The following ARHGAP35 variants were observed in gnomAD, a reference collection of about 807,000 sequenced individuals.
ARHGAP35 encodes the protein rho GTPase-activating protein 35.
ARHGAP35 carries 15 observed loss-of-function variants against 111.1 expected under a neutral mutation model. That is an observed-to-expected ratio of 0.13 (90% confidence interval 0.09 to 0.21). ARHGAP35 has a LOEUF of 0.21. Ranked by LOEUF, ARHGAP35 falls within the 10% of genes least tolerant of loss-of-function variation. The probability of loss-of-function intolerance (pLI) is 1.00; values close to 1 mark genes in which losing one functional copy is unlikely to be tolerated. For missense variants in ARHGAP35, 1,262 were observed against 1,873.0 expected, an observed-to-expected ratio of 0.67 and a Z score of 6.02; for synonymous variants, 643 against 710.3, an observed-to-expected ratio of 0.91 and a Z score of 1.51.
At chr19:46,876,565 G>T (rs1280257007) in intron 1 of ARHGAP35, among the ~76,000 whole-genome samples, 1 of 151,952 alleles carries the variant, frequency 6.6e-6, no homozygotes, top group Non-Finnish European at 1.5e-5. Flanking sequence ...TAGAGACGGG[G>T]TTTCACCATA....
chr19:46,921,489 T>A lies in ARHGAP35; in HGVS notation c.2814T>A (p.Phe938Leu). 1 of 1,613,930 alleles carries A rather than the reference T, an allele frequency of 6.2e-7. No homozygotes were observed. The highest frequency in any genetic ancestry group is 1.3e-5 in the African/African-American group (1 of 75,026). ...QHKLEIFHPF[F>L]KDVVEKKNII... ...AACTTGAGATCTTTCACCCATTTTT[T>A]AAAGATGTGGTGGAAAAAAAGAACA... The change falls in exon 2 of 7, where the codon TTT (phenylalanine) becomes TTA (leucine). Residue 938 changes from phenylalanine (F) to leucine (L), a missense_variant. Phe to Leu is a conservative substitution (Grantham distance 22, BLOSUM62 0). This residue lies in a region of ARHGAP35 where 579 missense variants were observed against 716.9 expected (regional missense o/e 0.81). Coordinates refer to ENST00000672722, the MANE Select transcript of ARHGAP35 (RefSeq NM_004491.5). The surrounding 1 kb of genome is among the most constrained non-coding windows in gnomAD (Gnocchi z 4.3).
chr19:46,923,263 C>T (rs1024393856), intron 2 of ARHGAP35, among the ~76,000 whole-genome samples: 2 of 152,096 alleles, frequency 1.3e-5, no homozygotes, highest in African/African-American at 4.8e-5. Context: ...CGCCACCGTG[C>T]CCAGCTAATT....
At chr19:46,898,323 A>G (rs2056067964) in intron 1 of ARHGAP35, among the ~76,000 whole-genome samples, 2 of 152,142 alleles carry the variant, frequency 1.3e-5, no homozygotes, top group Admixed American at 6.5e-5. Flanking sequence ...CCAATTCCAC[A>G]AAAACTCGAT....
chr19:46,880,946 T>C (rs1411177234), intron 1 of ARHGAP35, among the ~76,000 whole-genome samples: 1 of 148,898 alleles, frequency 6.7e-6, no homozygotes, highest in Non-Finnish European at 1.5e-5. Flanking sequence ...AAATGAATGT[T>C]CTTTTTTTTT....
At chr19:46,897,402 A>G (rs1024701567) in intron 1 of ARHGAP35, among the ~76,000 whole-genome samples, 1 of 150,280 alleles carries the variant, frequency 6.7e-6, no homozygotes, top group African/African-American at 2.4e-5. Context: ...CCATAAGTAT[A>G]GTTTTAGTAG....
At chr19:46,997,384 G>A (rs1235628104) in intron 5 of ARHGAP35, 29 of 152,192 alleles carry the variant, frequency 1.9e-4, no homozygotes, top group Admixed American at 1.9e-3. Flanking sequence ...AGCTCCTGGA[G>A]CTCTGTCCCT....
At chr19:46,898,349 T>C (rs1260068365) in intron 1 of ARHGAP35, among the ~76,000 whole-genome samples, 1 of 151,514 alleles carries the variant, frequency 6.6e-6, no homozygotes, top group Non-Finnish European at 1.5e-5. Flanking sequence ...CAAAAAAATA[T>C]ACTTATTGAC....
At chr19:46,881,385 GTC>G (rs1185865098) in intron 1 of ARHGAP35, among the ~76,000 whole-genome samples, 1 of 152,254 alleles carries the variant, frequency 6.6e-6, no homozygotes, top group Non-Finnish European at 1.5e-5. Flanking sequence ...ACACTTGAAA[GTC>G]TGAATTACTC....
At chr19:46,970,469 C>T (rs1179032384) in intron 3 of ARHGAP35, among the ~76,000 whole-genome samples, 1 of 152,148 alleles carries the variant, frequency 6.6e-6, no homozygotes, top group Non-Finnish European at 1.5e-5. Context: ...TGTGGATAGG[C>T]TATGGAAGTC....
chr19:46,867,964 T>G (rs1318424805), intron 1 of ARHGAP35, among the ~76,000 whole-genome samples: 1 of 152,228 alleles, frequency 6.6e-6, no homozygotes, highest in Non-Finnish European at 1.5e-5. Context: ...CCTCCTGGAT[T>G]CCAGCGATTC....
rs548813151 is a variant in ARHGAP35 at position 46,901,683 on chromosome 19, G to C, written c.-188-16805G>C. ...AGGCGATCTAGATTCCCTGGCAGCA[G>C]ATACGTTGGCTTTCTCAGCTGTTGA... On this transcript the variant is annotated intron_variant, in intron 1 of 6. Transcript: ENST00000672722. This position sits in a 1 kb window ranked among gnomAD's most constrained non-coding sequence, Gnocchi z 4.5. Among the ~76,000 whole-genome samples the C allele has an allele frequency of 6.6e-6, 1 of 152,354 alleles. No individual in the cohort carries two copies. The highest frequency in any genetic ancestry group is 2.1e-4 in the South Asian group (1 of 4,832).
intron 1 of ARHGAP35, among the ~76,000 whole-genome samples, chr19:46,881,123 C>T (rs542249790): frequency 4.0e-5 from 6 of 151,898 alleles, no homozygotes; most frequent in South Asian, 2.1e-4. Context: ...TTTTGTTTTT[C>T]GAGTAGAGAT....
chr19:46,941,676 A>C (rs1388288576), intron 3 of ARHGAP35, among the ~76,000 whole-genome samples: 1 of 150,840 alleles, frequency 6.6e-6, no homozygotes, highest in African/African-American at 2.4e-5. Context: ...TTCTGGCCTC[A>C]AGCCTCTTGA....
intron 2 of ARHGAP35, among the ~76,000 whole-genome samples, chr19:46,923,807 G>A (rs1322277091): frequency 6.6e-6 from 1 of 151,710 alleles, no homozygotes; most frequent in Non-Finnish European, 1.5e-5. Flanking sequence ...TATAGTCCCA[G>A]CTACTCAGGA....
intron 3 of ARHGAP35, among the ~76,000 whole-genome samples, chr19:46,971,020 G>A (rs1255446858): frequency 2.0e-5 from 3 of 152,140 alleles, no homozygotes; most frequent in African/African-American, 7.2e-5. Context: ...ACGACACACA[G>A]GGAAAATAGC....
At chr19:46,952,304 A>G (rs1262840030) in intron 3 of ARHGAP35, among the ~76,000 whole-genome samples, 2 of 152,224 alleles carry the variant, frequency 1.3e-5, no homozygotes, top group African/African-American at 2.4e-5. Context: ...GTGCTGTTCA[A>G]TTTAAATTTA....
intron 1 of ARHGAP35, among the ~76,000 whole-genome samples, chr19:46,895,309 G>A (rs748340011): frequency 3.3e-5 from 5 of 152,056 alleles, no homozygotes; most frequent in South Asian, 4.1e-4. Flanking sequence ...GACTACAGGC[G>A]CTCACCACCA....
At position 46,921,755 on chromosome 19, in the gene ARHGAP35, G is replaced by T; in HGVS notation, c.3080G>T (p.Ser1027Ile). Residue 1027 changes from serine to isoleucine, a missense_variant, in exon 2 of 7, where the codon AGC becomes ATC. By Grantham distance (142) the Ser-to-Ile change is moderately radical. Around this residue, in one of 8 missense-constraint regions of ARHGAP35, gnomAD observed 579 missense variants for 716.9 expected, o/e 0.81. Transcript: ENST00000672722. This position sits in a 1 kb window ranked among gnomAD's most constrained non-coding sequence, Gnocchi z 4.3. ...AATGATGGGCTGTCTTTCATTATGA[G>T]CAATTTTGAGAGTAAACTGAACAAC... ...EGNDGLSFIMSNFESKLNNKV... is the reference protein window; with the variant it reads ...EGNDGLSFIMINFESKLNNKV... The T allele has an allele frequency of 6.2e-7, 1 of 1,613,998 alleles. No homozygotes were observed. The highest frequency in any genetic ancestry group is 8.5e-7 in the Non-Finnish European group (1 of 1,179,890).
chr19:46,903,119 A>G (rs2056089821), intron 1 of ARHGAP35, among the ~76,000 whole-genome samples: 2 of 152,138 alleles, frequency 1.3e-5, no homozygotes, highest in South Asian at 2.1e-4. Flanking sequence ...GAAAGCAGAA[A>G]TCACAGATGG....
Sources: allele counts gnomAD v4.1 joint callset (sites outside exome capture counted in the v4.1 genomes callset), GRCh38; gene constraint gnomAD v4.1.1; regional missense constraint gnomAD v4.1.1; non-coding constraint Gnocchi (gnomAD v3.1); transcripts MANE v1.5; gene names NCBI Gene and HGNC (gene_info 2026-07-23, HGNC 2026-07-21).